Variants in ALPL observed in about 807,000 individuals in gnomAD.
ALPL encodes alkaline phosphatase, biomineralization associated.
In ALPL, 42 loss-of-function variants were observed where a neutral mutation model predicts 51.3. The ratio of observed to expected loss-of-function variants is 0.82; its 90% CI spans 0.64 to 1.06. ALPL has a LOEUF of 1.06. Among genes scored for constraint, ALPL ranks in the 50% least tolerant of loss-of-function variants. ALPL has a pLI of 0.00. For missense variants in ALPL, 589 were observed against 709.4 expected (o/e 0.83, Z 1.93); for synonymous variants, 279 against 296.4 (o/e 0.94, Z 0.60).
intron 1 of ALPL, among the ~76,000 whole-genome samples, chr1:21,547,372 T>C (rs1472439080): frequency 2.0e-5 from 3 of 152,080 alleles, no homozygotes; most frequent in Non-Finnish European, 4.4e-5. Flanking sequence ...CAGGGCGTGG[T>C]GGCTGCTCCC....
intron 6 of ALPL, 141 bp from the exon 7 acceptor site, chr1:21,567,963 T>G: frequency 9.1e-7 from 1 of 1,104,444 alleles, no homozygotes. Context: ...GGCCCAGAGA[T>G]GACTGAGGCC....
intron 6 of ALPL, among the ~76,000 whole-genome samples, chr1:21,565,085 G>A (rs1260991608): frequency 6.6e-6 from 1 of 152,170 alleles, no homozygotes; most frequent in African/African-American, 2.4e-5. Context: ...GTGAGGGGCA[G>A]AGAAAGCCCC....
Position 21,577,273 on chromosome 1 carries a change from C to T in ALPL, c.1310-110C>T, listed in dbSNP as rs150995690. The T allele has an allele frequency of 4.4e-3, 6,859 of 1,556,276 alleles. 16 individuals carry two copies. The highest frequency in any genetic ancestry group is 5.4e-3 in the Non-Finnish European group (6,142 of 1,134,934). On this transcript the variant is annotated intron_variant, in intron 11 of 11. Transcript: ENST00000374840. ...TTCCCACATTGAGCCTCCTTTTCCT[C>T]TTCTGTGAAATGGGAGCATTCAAGC...
intron 1 of ALPL, among the ~76,000 whole-genome samples, chr1:21,513,134 A>C (rs962881916): frequency 6.6e-6 from 1 of 152,030 alleles, no homozygotes; most frequent in South Asian, 2.1e-4. Context: ...GAGAGGAGAC[A>C]TAGATCCCCA....
chr1:21,543,204 G>T (rs1372345630), intron 1 of ALPL, among the ~76,000 whole-genome samples: 1 of 152,150 alleles, frequency 6.6e-6, no homozygotes, highest in Non-Finnish European at 1.5e-5. Flanking sequence ...GAGTAGGTCT[G>T]GAATAGGAGA....
chr1:21,552,123 C>CCCCCCCCCCCT (rs1553410475), intron 1 of ALPL, among the ~76,000 whole-genome samples: 3 of 50,190 alleles, frequency 6.0e-5, no homozygotes, highest in Non-Finnish European at 7.5e-5. Context: ...CTTCCCTTTC[C>CCCCCCCCCCCT]TCCCTCCCCT....
At chr1:21,519,747 A>C (rs746613131) in intron 1 of ALPL, among the ~76,000 whole-genome samples, 4 of 152,252 alleles carry the variant, frequency 2.6e-5, no homozygotes, top group Non-Finnish European at 4.4e-5. Flanking sequence ...CAGTGAGCAG[A>C]GATCGTGCCA....
rs77544754 is a variant in ALPL, at chr1:21,564,511, T to G, written c.648+295T>G. 8.5e-3 allele frequency among the ~76,000 whole-genome samples: 1,290 copies of G among 152,268 alleles called. 10 individuals carry two copies. Among genetic ancestry groups the G allele is most frequent in the South Asian group, 0.027 (131 of 4,834 alleles). ...TGCTGTGCCCTCCTCTGCCCCCCAC[T>G]ACACGGGAGGTGGTGATGGCCAAGT... On this transcript the variant is annotated intron_variant, in intron 6 of 11. Coordinates refer to ENST00000374840, the MANE Select transcript of ALPL (RefSeq NM_000478.6). The surrounding 1 kb of genome is among the most constrained non-coding windows in gnomAD (Gnocchi z 5.8).
intron 1 of ALPL, among the ~76,000 whole-genome samples, chr1:21,525,986 C>T (rs1643936396): frequency 6.6e-6 from 1 of 152,010 alleles, no homozygotes; most frequent in Non-Finnish European, 1.5e-5. Context: ...AAAACTCTGT[C>T]TCAAACAAAC....
chr1:21,577,895 T>G lies in ALPL; in HGVS notation c.*247T>G. ...CCCTTTGGCCAACAGGGTAGATTTC[T>G]CTTGGGCAGGCAGAGAGTACAGACT... On this transcript the variant is annotated 3_prime_UTR_variant, in exon 12 of 12. Transcript: ENST00000374840. 1 of 598,586 alleles carries G rather than the reference T, an allele frequency of 1.7e-6. No homozygotes were observed. The highest frequency in any genetic ancestry group is 3.0e-6 in the Non-Finnish European group (1 of 337,480). The allele number at this position is 598,586 out of a possible 1,614,324, so 37.1% of individuals were successfully genotyped here.
chr1:21,551,406 A>G (rs547353454), intron 1 of ALPL: 1 of 152,218 alleles, frequency 6.6e-6, no homozygotes, highest in Non-Finnish European at 1.5e-5. Context: ...GTGAGTGACC[A>G]TCCTGGAGCC....
In ALPL at chr1:21,530,970, T is replaced by C. The variant is rs866201207; in HGVS notation, c.-105+21453T>C. On this transcript the variant is annotated intron_variant, in intron 1 of 11. Coordinates refer to ENST00000374840, the MANE Select transcript of ALPL (RefSeq NM_000478.6). The stretch of plus-strand genomic sequence containing the variant: ...TCATTTTTGATTTTTTTTTTTTTTT[T>C]TTTTTGGAGACAGAGTCTTGCTCTG... Among the ~76,000 whole-genome samples, 1,241 of 136,108 alleles carry C rather than the reference T, an allele frequency of 9.1e-3. 22 individuals carry two copies. The highest frequency in any genetic ancestry group is 0.03 in the African/African-American group (1,154 of 38,668). 89.3% of individuals were successfully genotyped at this position (136,108 alleles called of 152,430 possible). A position where few individuals can be genotyped will look rare whatever the true frequency, so the allele number is the denominator to read the frequency against.
At chr1:21,541,390 C>A (rs1489468424) in intron 1 of ALPL, among the ~76,000 whole-genome samples, 1 of 152,214 alleles carries the variant, frequency 6.6e-6, no homozygotes, top group Admixed American at 6.5e-5. Flanking sequence ...TGGTGAGGGG[C>A]AGAGGCAGGA....
intron 11 of ALPL, 151 bp from the exon 12 acceptor site, chr1:21,577,232 C>A (rs12064581): frequency 5.9e-4 from 749 of 1,264,042 alleles, no homozygotes; most frequent in Non-Finnish European, 7.8e-4. Context: ...ATCCCGTGGC[C>A]TTAGGCAAAA....
intron 2 of ALPL, among the ~76,000 whole-genome samples, chr1:21,554,849 C>G (rs1289698528): frequency 1.5e-5 from 2 of 135,056 alleles, no homozygotes; most frequent in Admixed American, 1.6e-4. Flanking sequence ...TTCTTTCTTT[C>G]TTTCTTTCTT....
At chr1:21,514,894 G>C (rs1281153794) in intron 1 of ALPL, among the ~76,000 whole-genome samples, 1 of 152,094 alleles carries the variant, frequency 6.6e-6, no homozygotes, top group Admixed American at 6.5e-5. Context: ...TCAGAGGGCA[G>C]ACACCTTAGG....
At chr1:21,523,875 G>A (rs887287259) in intron 1 of ALPL, among the ~76,000 whole-genome samples, 1 of 152,058 alleles carries the variant, frequency 6.6e-6, no homozygotes, top group African/African-American at 2.4e-5. Context: ...GTCTGCCATG[G>A]GGTTGTCTGG....
rs567570838 is a variant in ALPL at position 21,564,766 on chromosome 1, G to C, written c.648+550G>C. Reference sequence around the variant, plus strand: ...CCCTTTCACAACTCCTTTGTGAACTGTACCTGCCTCATAAGCTTATGCCAA... The same window carrying C: ...CCCTTTCACAACTCCTTTGTGAACTCTACCTGCCTCATAAGCTTATGCCAA... On this transcript the variant is annotated intron_variant, in intron 6 of 11. Transcript: ENST00000374840. This position sits in a 1 kb window ranked among gnomAD's most constrained non-coding sequence, Gnocchi z 5.8. 2.0e-5 allele frequency among the ~76,000 whole-genome samples: 3 copies of C among 152,256 alleles called. No individual in the cohort carries two copies. Among genetic ancestry groups the C allele is most frequent in the South Asian group, 4.1e-4 (2 of 4,822 alleles).
intron 8 of ALPL, among the ~76,000 whole-genome samples, 198 bp from the exon 9 acceptor site, chr1:21,573,467 A>G (rs199847960): frequency 6.7e-6 from 1 of 149,754 alleles, no homozygotes; most frequent in African/African-American, 2.4e-5. Context: ...AAGAAAAAGA[A>G]AAAAGAAAAA....
Sources: gnomAD v4.1 joint callset for allele counts (sites outside exome capture counted in the v4.1 genomes callset) on GRCh38, gnomAD v4.1.1 for gene constraint, Gnocchi (gnomAD v3.1) non-coding constraint, MANE v1.5 for transcripts, NCBI Gene and HGNC (gene_info 2026-07-23, HGNC 2026-07-21) for gene names.